Variants in BBX observed in about 807,000 individuals in gnomAD.
BBX encodes BBX high mobility group box domain containing.
BBX carries 30 observed loss-of-function variants against 100.2 expected under a neutral mutation model. That is an observed-to-expected ratio of 0.30 (90% CI 0.22 to 0.41). The LOEUF (loss-of-function observed/expected upper bound fraction) is 0.41, where lower values mean the gene tolerates loss of function less well. BBX is among the 10% of genes least tolerant of loss of function. The pLI is 1.00. For missense variants in BBX, 1,023 were observed against 1,129.8 expected (o/e 0.91, Z 1.35); for synonymous variants, 376 against 388.1 (o/e 0.97, Z 0.37).
intron 3 of BBX, among the ~76,000 whole-genome samples, chr3:107,669,597 A>T (rs112825810): frequency 8.2e-4 from 125 of 152,162 alleles, no homozygotes; most frequent in Non-Finnish European, 5.3e-4. Flanking sequence ...TAAATCTGAT[A>T]CAGATTAGTT....
chr3:107,654,222 A>C (rs1474681916), intron 3 of BBX, among the ~76,000 whole-genome samples: 1 of 152,204 alleles, frequency 6.6e-6, no homozygotes, highest in Non-Finnish European at 1.5e-5. Flanking sequence ...TGGTGAAGTG[A>C]ACATTTAAAT....
rs560952670 is a variant in BBX, at chr3:107,527,427, A to G, written c.-84+1029A>G. Among the ~76,000 whole-genome samples, 7 of 152,374 alleles carry G rather than the reference A, an allele frequency of 4.6e-5. No homozygotes were observed. The South Asian group carries it at 1.4e-3, about 32-fold the overall frequency. On this transcript the variant is annotated intron_variant, in intron 2 of 17. Coordinates refer to ENST00000325805, the MANE Select transcript of BBX (RefSeq NM_001142568.3). Reference sequence around the variant, plus strand: ...CTGTGGTGTTTCCTGGATTGCTGACATAATGTGTACATTAACAAAATTATT... The same window carrying G: ...CTGTGGTGTTTCCTGGATTGCTGACGTAATGTGTACATTAACAAAATTATT...
rs540425096 is a variant in BBX, at chr3:107,618,231, C to T, written c.-83-27605C>T. Among the ~76,000 whole-genome samples the T allele has an allele frequency of 7.1e-4, 108 of 151,878 alleles. 2 individuals are homozygous for T. The highest frequency in any genetic ancestry group is 2.4e-3 in the African/African-American group (99 of 41,440). The stretch of plus-strand genomic sequence containing the variant: ...TATTCCTGAAATAAATCCCTATTTA[C>T]GTTGTATAATTTCTTTTAGATATTT... On this transcript the variant is annotated intron_variant, in intron 2 of 17. Coordinates refer to ENST00000325805, the MANE Select transcript of BBX (RefSeq NM_001142568.3).
intron 2 of BBX, among the ~76,000 whole-genome samples, chr3:107,619,554 C>G (rs1033893187): frequency 2.0e-5 from 3 of 151,282 alleles, no homozygotes; most frequent in Admixed American, 1.3e-4. Flanking sequence ...TTTGTCCTTT[C>G]TGATGAATAT....
intron 2 of BBX, among the ~76,000 whole-genome samples, chr3:107,632,202 C>T (rs1001481914): frequency 4.6e-5 from 7 of 151,972 alleles, no homozygotes; most frequent in Non-Finnish European, 8.8e-5. Flanking sequence ...TCAGCCTACC[C>T]GAGTAGCTGG....
chr3:107,743,885 C>T (rs1290640143), intron 7 of BBX, among the ~76,000 whole-genome samples: 3 of 131,148 alleles, frequency 2.3e-5, no homozygotes, highest in Non-Finnish European at 4.7e-5. Context: ...TGGGAGGTAA[C>T]ATTGTAGGTG....
intron 2 of BBX, among the ~76,000 whole-genome samples, chr3:107,595,000 C>A (rs1030694896): frequency 4.6e-5 from 7 of 152,212 alleles, no homozygotes; most frequent in African/African-American, 1.7e-4. Context: ...CTCTTTAAAA[C>A]ACGATGTCCC....
chr3:107,777,096 C>T lies in BBX; in HGVS notation c.2055-1275C>T, dbSNP rs376136741. On this transcript the variant is annotated intron_variant, in intron 12 of 17. Transcript: ENST00000325805. Reference sequence around the variant, plus strand: ...TTAAATTATGCACCACAATGAGTAGCATGATGAAATCTCGTGCCATCCCAC... The same window carrying T: ...TTAAATTATGCACCACAATGAGTAGTATGATGAAATCTCGTGCCATCCCAC... Among the ~76,000 whole-genome samples the T allele has an allele frequency of 3.9e-4, 59 of 152,288 alleles. 2 individuals carry two copies. In the South Asian group the frequency reaches 0.012, roughly 31 times the overall value.
At chr3:107,780,953 A>T (rs1205814260) in intron 13 of BBX, among the ~76,000 whole-genome samples, 1 of 151,870 alleles carries the variant, frequency 6.6e-6, no homozygotes, top group Admixed American at 6.6e-5. Context: ...TCAGAAACCT[A>T]ATTTTTCCTC....
At chr3:107,567,486 G>GT (rs2051008292) in intron 2 of BBX, among the ~76,000 whole-genome samples, 2 of 151,974 alleles carry the variant, frequency 1.3e-5, no homozygotes, top group African/African-American at 4.8e-5. Flanking sequence ...CTTTTTGGTG[G>GT]TAAAAATATT....
At position 107,728,805 on chromosome 3, in the gene BBX, G is replaced by C. The variant is rs1188101411; in HGVS notation, c.446G>C (p.Trp149Ser). 1.2e-6 allele frequency: 2 copies of C among 1,613,578 alleles called. No homozygotes were observed. ...ATGAAAGCAAATCCTGGCTACAAAT[G>C]GTGTCCTACCACAAACAAGCCTGTG... is the stretch of plus-strand genomic sequence containing the variant. ...AFMKANPGYK[W>S]CPTTNKPVKS... Residue 149 changes from tryptophan (W) to serine (S), a missense_variant, in exon 6 of 18, where the codon TGG becomes TCG. Around this residue, in one of 9 missense-constraint regions of BBX, gnomAD observed 229 missense variants for 226.3 expected, o/e 1.01. Transcript: ENST00000325805.
intron 4 of BBX, among the ~76,000 whole-genome samples, chr3:107,714,126 C>G (rs545004974): frequency 3.6e-4 from 54 of 151,798 alleles, no homozygotes; most frequent in Non-Finnish European, 7.4e-4. Context: ...CAGGTGTCCA[C>G]CACCACTCCT....
chr3:107,682,476 C>G (rs2059619476), intron 3 of BBX, among the ~76,000 whole-genome samples: 3 of 151,866 alleles, frequency 2.0e-5, no homozygotes, highest in African/African-American at 4.8e-5. Context: ...ACCGAAGGGT[C>G]TACTCCAGCA....
At chr3:107,685,550 A>AGCCAG (rs2059798463) in intron 3 of BBX, among the ~76,000 whole-genome samples, 2 of 152,202 alleles carry the variant, frequency 1.3e-5, no homozygotes, top group Non-Finnish European at 2.9e-5. Context: ...CTCGCCAGTG[A>AGCCAG]TGCATCTGTG....
At chr3:107,615,711 G>GA (rs2055201172) in intron 2 of BBX, among the ~76,000 whole-genome samples, 1 of 152,166 alleles carries the variant, frequency 6.6e-6, no homozygotes. Flanking sequence ...AGCTGTAGGG[G>GA]AAAATACTAT....
intron 10 of BBX, among the ~76,000 whole-genome samples, chr3:107,759,732 G>T (rs1172103383): frequency 6.6e-6 from 1 of 152,168 alleles, no homozygotes; most frequent in African/African-American, 2.4e-5. Flanking sequence ...TATTTTTGGT[G>T]CAATGAGAAC....
intron 2 of BBX, among the ~76,000 whole-genome samples, chr3:107,550,883 C>G (rs748931620): frequency 4.6e-5 from 7 of 152,018 alleles, no homozygotes; most frequent in African/African-American, 1.7e-4. Context: ...ATTTTAGAGG[C>G]GGAATTGACA....
chr3:107,545,062 A>C (rs2049133840), intron 2 of BBX, among the ~76,000 whole-genome samples: 1 of 152,082 alleles, frequency 6.6e-6, no homozygotes. Context: ...AAGAGAATAC[A>C]TTATAGAGAC....
At chr3:107,716,902 C>T (rs1189641743) in intron 5 of BBX, 53 bp downstream of exon 5, 3 of 1,584,048 alleles carry the variant, frequency 1.9e-6, no homozygotes, top group Non-Finnish European at 2.6e-6. Context: ...AGTCCTGAAA[C>T]TCCCAGTCAA....
Sources: allele counts gnomAD v4.1 joint callset (sites outside exome capture counted in the v4.1 genomes callset), GRCh38; gene constraint gnomAD v4.1.1; regional missense constraint gnomAD v4.1.1; transcripts MANE v1.5; gene names NCBI Gene and HGNC (gene_info 2026-07-23, HGNC 2026-07-21).